Variants in HINT3 observed in about 807,000 individuals in gnomAD.
HINT3 encodes the protein adenosine 5'-monophosphoramidase HINT3.
Under a neutral mutation model 19.1 loss-of-function variants are expected in HINT3, and 16 were observed. The observed-to-expected ratio is 0.84, with a 90% CI of 0.57 to 1.27. The LOEUF (loss-of-function observed/expected upper bound fraction) is 1.27. Among genes scored for constraint, HINT3 ranks in the 50% most tolerant of loss-of-function variants. HINT3 has a pLI of 0.00. For missense variants in HINT3, 197 were observed against 225.8 expected, an observed-to-expected ratio of 0.87 and a Z score of 0.82; for synonymous variants, 75 against 84.8, an observed-to-expected ratio of 0.88 and a Z score of 0.63.
chr6:125,962,307 TCACAC>T lies in HINT3; in HGVS notation c.202-4579_202-4575del, dbSNP rs371058812. 2.7e-3 allele frequency among the ~76,000 whole-genome samples: 70 copies of T among 25,914 alleles called. 3 individuals carry two copies. The highest frequency in any genetic ancestry group is 0.011 in the South Asian group (7 of 624). The allele number at this position is 25,914 out of a possible 152,430, so 17.0% of individuals were successfully genotyped here. ...ATATACACATATATATATATATATA[TCACAC>T]ATATATATATATATATATCACACAC... On this transcript the variant is annotated intron_variant, in intron 1 of 4. Transcript: ENST00000229633.
intron 1 of HINT3, among the ~76,000 whole-genome samples, chr6:125,960,671 A>AGGGGGG (rs1562211533): frequency 0.021 from 1,937 of 91,678 alleles, 273 homozygotes; most frequent in East Asian, 0.044. Context: ...GGGGGAAAAA[A>AGGGGGG]AAAGAAGTTA....
rs142105115 is a variant in HINT3, at chr6:125,971,702, C to CTTTTTT, written c.320-536_320-531dup. On this transcript the variant is annotated intron_variant, in intron 2 of 4. Transcript: ENST00000229633. ...GGTGTGCACCACCATGCCTGGCTAC[C>CTTTTTT]TTTTTTTTTTTTTTTTTTTTTTTTT... Among the ~76,000 whole-genome samples the CTTTTTT allele has an allele frequency of 7.4e-4, 44 of 59,614 alleles. 7 individuals carry two copies. The highest frequency in any genetic ancestry group is 1.1e-3 in the African/African-American group (14 of 13,058). The allele number at this position is 59,614 out of a possible 152,430, so 39.1% of individuals were successfully genotyped here. A position where few individuals can be genotyped will look rare whatever the true frequency, so the allele number is the denominator to read the frequency against.
At chr6:125,962,769 G>A (rs1453798546) in intron 1 of HINT3, among the ~76,000 whole-genome samples, 1 of 151,924 alleles carries the variant, frequency 6.6e-6, no homozygotes, top group Non-Finnish European at 1.5e-5. Context: ...GCTGAACCAT[G>A]CATTCTTAAT....
intron 2 of HINT3, among the ~76,000 whole-genome samples, chr6:125,968,239 C>A (rs1010625269): frequency 6.6e-6 from 1 of 152,322 alleles, no homozygotes; most frequent in East Asian, 1.9e-4. Flanking sequence ...TGTTTACCCT[C>A]TCCTTATAAG....
chr6:125,967,173 T>A (rs1562213538), intron 2 of HINT3, among the ~76,000 whole-genome samples, 169 bp downstream of exon 2: 1 of 152,158 alleles, frequency 6.6e-6, no homozygotes, highest in African/African-American at 2.4e-5. Flanking sequence ...AATAGTATAA[T>A]ACTCGTGTAT....
At chr6:125,964,640 C>T (rs888565056) in intron 1 of HINT3, among the ~76,000 whole-genome samples, 2 of 151,814 alleles carry the variant, frequency 1.3e-5, no homozygotes, top group East Asian at 3.9e-4. Context: ...GTGGATTTGC[C>T]ATAATTTATT....
chr6:125,966,698 G>A (rs1789022211), intron 1 of HINT3, among the ~76,000 whole-genome samples, 189 bp from the exon 2 acceptor site: 1 of 152,008 alleles, frequency 6.6e-6, no homozygotes, highest in Admixed American at 6.6e-5. Flanking sequence ...TTATTCTCTG[G>A]AATCAATAAG....
Position 125,957,028 on chromosome 6 carries a change from G to T in HINT3, c.51G>T (p.Glu17Asp). The T allele has an allele frequency of 6.4e-7, 1 of 1,550,754 alleles. No individual in the cohort carries two copies. The highest frequency in any genetic ancestry group is 8.7e-7 in the Non-Finnish European group (1 of 1,146,890). The part of the protein sequence containing the change: ...NRSAGLAPDC[E>D]ASATAETTVS... ...GCGCCGGCCTGGCCCCCGACTGTGA[G>T]GCCTCGGCGACTGCAGAAACTACGG... is the stretch of plus-strand genomic sequence containing the variant. The change falls in exon 1 of 5, where the codon GAG becomes GAT. Residue 17 changes from glutamate to aspartate, a missense_variant. Coordinates refer to ENST00000229633, the MANE Select transcript of HINT3 (RefSeq NM_138571.5).
chr6:125,959,779 G>A (rs1788891185), intron 1 of HINT3, among the ~76,000 whole-genome samples: 1 of 152,156 alleles, frequency 6.6e-6, no homozygotes, highest in South Asian at 2.1e-4. Context: ...ATAGAGAGAG[G>A]TTTAAAATGG....
intron 1 of HINT3, among the ~76,000 whole-genome samples, chr6:125,965,112 C>A (rs1789000017): frequency 1.3e-5 from 2 of 152,114 alleles, no homozygotes; most frequent in African/African-American, 2.4e-5. Context: ...CAAAACCTTT[C>A]AATATAGAGG....
At position 125,978,588 on chromosome 6, in the gene HINT3, T is replaced by C. The variant is rs900940570; in HGVS notation, c.*912T>C. On this transcript the variant is annotated 3_prime_UTR_variant, in exon 5 of 5. Coordinates refer to ENST00000229633, the MANE Select transcript of HINT3 (RefSeq NM_138571.5). ...ATAGGTATATTTTGTTAGAAATTGG[T>C]TTTTTGGTGCTAATCTATAGGCACA... 2.6e-5 allele frequency: 4 copies of C among 152,144 alleles called. No individual in the cohort carries two copies. The highest frequency in any genetic ancestry group is 9.7e-5 in the African/African-American group (4 of 41,426). 9.4% of individuals were successfully genotyped at this position (152,144 alleles called of 1,614,324 possible).
intron 1 of HINT3, among the ~76,000 whole-genome samples, chr6:125,960,137 C>A (rs1445567844): frequency 1.3e-5 from 2 of 152,144 alleles, no homozygotes; most frequent in African/African-American, 2.4e-5. Flanking sequence ...GAAGTAGCTC[C>A]TGTGAAGGCT....
rs1789220196 is a variant in HINT3 at position 125,979,495 on chromosome 6, T to A, written c.*1819T>A. On this transcript the variant is annotated 3_prime_UTR_variant, in exon 5 of 5. Transcript: ENST00000229633. ...TAGGCCGGGTGTGGTGGCTCACGCC[T>A]GTAATCCTAGCACTTTGGGAGGCCG... The A allele has an allele frequency of 6.6e-6, 1 of 152,226 alleles. No individual in the cohort carries two copies. The highest frequency in any genetic ancestry group is 2.4e-5 in the African/African-American group (1 of 41,454). The allele number at this position is 152,226 out of a possible 1,614,324, so 9.4% of individuals were successfully genotyped here.
At chr6:125,966,199 A>G (rs1251663965) in intron 1 of HINT3, among the ~76,000 whole-genome samples, 1 of 151,954 alleles carries the variant, frequency 6.6e-6, no homozygotes, top group African/African-American at 2.4e-5. Context: ...TCAAATGTTA[A>G]TAGGTTGAAA....
At position 125,962,189 on chromosome 6, in the gene HINT3, CATATATAT is replaced by C. The variant is rs371993982; in HGVS notation, c.202-4684_202-4677del. 1.9e-3 allele frequency among the ~76,000 whole-genome samples: 119 copies of C among 64,298 alleles called. 16 individuals carry two copies. The highest frequency in any genetic ancestry group is 0.012 in the African/African-American group (112 of 9,184). 42.2% of individuals were successfully genotyped at this position (64,298 alleles called of 152,430 possible). On this transcript the variant is annotated intron_variant, in intron 1 of 4. Coordinates refer to ENST00000229633, the MANE Select transcript of HINT3 (RefSeq NM_138571.5). ...ATATATATATATATATATATATACA[CATATATAT>C]ATATATATATATACACATATATATA...
At chr6:125,977,368 A>G (rs191364725) in intron 4 of HINT3, among the ~76,000 whole-genome samples, 246 of 152,092 alleles carry the variant, frequency 1.6e-3, no homozygotes, top group Middle Eastern at 6.8e-3. Flanking sequence ...TTCAGGTCTT[A>G]TTTTACTTTT....
At chr6:125,965,955 T>C (rs936972643) in intron 1 of HINT3, among the ~76,000 whole-genome samples, 7 of 152,224 alleles carry the variant, frequency 4.6e-5, no homozygotes, top group Non-Finnish European at 8.8e-5. Context: ...CTGGAATGGA[T>C]ATGACGCACT....
intron 2 of HINT3, 125 bp from the exon 3 acceptor site, chr6:125,972,134 A>C (rs1370467628): frequency 3.2e-6 from 2 of 633,644 alleles, no homozygotes. Context: ...GGGGTGAGCC[A>C]CTGTGCCTGG....
rs1554209594 is a variant in HINT3 at position 125,960,656 on chromosome 6, G to GCGGGGC, written c.201+3478_201+3479insCGGGGC. On this transcript the variant is annotated intron_variant, in intron 1 of 4. Transcript: ENST00000229633. ...TGGGTGACAGAGCAAGACTCTCTCT[G>GCGGGGC]GGGGGGGGGAAAAAAAAAGAAGTTA... 2.9e-5 allele frequency among the ~76,000 whole-genome samples: 2 copies of GCGGGGC among 69,348 alleles called. 1 individual carries two copies. Among genetic ancestry groups the GCGGGGC allele is most frequent in the African/African-American group, 7.0e-5 (2 of 28,464 alleles). The allele number at this position is 69,348 out of a possible 152,430, so 45.5% of individuals were successfully genotyped here. A position where few individuals can be genotyped will look rare whatever the true frequency, so the allele number is the denominator to read the frequency against.
Sources: gnomAD v4.1 joint callset for allele counts (sites outside exome capture counted in the v4.1 genomes callset) on GRCh38, gnomAD v4.1.1 for gene constraint, MANE v1.5 for transcripts, NCBI Gene and HGNC (gene_info 2026-07-23, HGNC 2026-07-21) for gene names.